The following NODAL variants were observed in gnomAD, a reference collection of about 807,000 sequenced individuals.
NODAL encodes nodal homolog.
A neutral mutation model predicts 34.0 loss-of-function variants in NODAL; 12 were observed. The ratio of observed to expected loss-of-function variants is 0.35; its 90% CI spans 0.23 to 0.57. The LOEUF (loss-of-function observed/expected upper bound fraction) is 0.57, where lower values mean the gene tolerates loss of function less well. NODAL is among the 20% of genes least tolerant of loss of function. NODAL has a pLI of 0.83. For synonymous variants in NODAL, 162 were observed against 186.4 expected, an observed-to-expected ratio of 0.87 and a Z score of 1.07; for missense variants, 390 against 444.2, an observed-to-expected ratio of 0.88 and a Z score of 1.10.
upstream of NODAL, chr10:70,441,712 C>T: frequency 6.5e-7 from 1 of 1,540,730 alleles, no homozygotes; most frequent in Non-Finnish European, 8.8e-7. Flanking sequence ...GCCCTTATAT[C>T]CTGGGCCTCA....
intron 2 of NODAL, chr10:70,435,011 T>C: frequency 4.3e-6 from 2 of 463,942 alleles, no homozygotes; most frequent in Non-Finnish European, 7.9e-6. Flanking sequence ...CCCTCTGGTC[T>C]ACCCCCACCC....
chr10:70,446,042 G>C (rs1311530480), upstream of NODAL, among the ~76,000 whole-genome samples: 1 of 152,128 alleles, frequency 6.6e-6, no homozygotes, highest in Non-Finnish European at 1.5e-5. Flanking sequence ...GCTTTTTTAG[G>C]ACCGAGGCTA....
upstream of NODAL, among the ~76,000 whole-genome samples, chr10:70,443,233 C>T (rs1044709815): frequency 1.3e-5 from 2 of 152,218 alleles, no homozygotes; most frequent in African/African-American, 4.8e-5. Context: ...GAGGCTGTCC[C>T]ACATAGCTGG....
upstream of NODAL, among the ~76,000 whole-genome samples, chr10:70,443,030 T>G (rs1200330494): frequency 6.6e-6 from 1 of 152,022 alleles, no homozygotes; most frequent in Admixed American, 6.6e-5. Context: ...AAGGTTGCAA[T>G]AAGCCAAGAT....
chr10:70,436,011 G>A, intron 1 of NODAL, 28 bp from the exon 2 acceptor site: 1 of 1,584,268 alleles, frequency 6.3e-7, no homozygotes, highest in Non-Finnish European at 8.7e-7. Context: ...AAGAAGGAAG[G>A]AGGGTGAGTG....
chr10:70,445,913 G>A (rs545587026), upstream of NODAL, among the ~76,000 whole-genome samples: 1 of 152,182 alleles, frequency 6.6e-6, no homozygotes, highest in African/African-American at 2.4e-5. Flanking sequence ...TTGGCTTAGA[G>A]CCCTGTGGAG....
chr10:70,437,676 C>T (rs556145575), intron 1 of NODAL, among the ~76,000 whole-genome samples: 6 of 152,196 alleles, frequency 3.9e-5, no homozygotes, highest in Admixed American at 3.3e-4. Context: ...TGATGTAGGT[C>T]CAGGCTGGCT....
Position 70,435,098 on chromosome 10 carries a change from T to A in NODAL, c.891+188A>T, listed in dbSNP as rs1845326352. 4 of 611,658 alleles carry A rather than the reference T, an allele frequency of 6.5e-6. No homozygotes were observed. The Admixed American group carries it at 1.1e-4, about 17-fold the overall frequency. 37.9% of individuals were successfully genotyped at this position (611,658 alleles called of 1,614,324 possible). ...GGCTACCCAGTGACGCATGACCCCATACAGGCTCTATAAGGATGTTACACT... is the reference window on the plus strand; with the variant it reads ...GGCTACCCAGTGACGCATGACCCCAAACAGGCTCTATAAGGATGTTACACT... On this transcript the variant is annotated intron_variant, in intron 2 of 2. Transcript: ENST00000287139.
At position 70,435,326 on chromosome 10, in the gene NODAL, A is replaced by T; in HGVS notation, c.851T>A (p.Val284Asp). 1 of 1,613,756 alleles carries T rather than the reference A, an allele frequency of 6.2e-7. No individual in the cohort carries two copies. The highest frequency in any genetic ancestry group is 8.5e-7 in the Non-Finnish European group (1 of 1,179,874). Residue 284 changes from valine to aspartate, a missense_variant, in exon 2 of 3, where the codon GTT (valine) becomes GAT (aspartate). Transcript: ENST00000287139. ...GTTGGTCGGATGAAACTCCTCCCCA[A>T]CAGGATTAGGACACTCGCCCTCACA... ...YRCEGECPNP[V>D]GEEFHPTNHA...
chr10:70,445,289 G>C (rs1026072100), upstream of NODAL, among the ~76,000 whole-genome samples: 1 of 151,780 alleles, frequency 6.6e-6, no homozygotes, highest in Non-Finnish European at 1.5e-5. Context: ...ACGGAGTCTC[G>C]CTCTGTCGCC....
At chr10:70,434,724 A>T (rs1019514615) in intron 2 of NODAL, 3 of 159,460 alleles carry the variant, frequency 1.9e-5, no homozygotes, top group African/African-American at 4.8e-5. Context: ...TGGCTGGAAC[A>T]GTGTGATTCC....
chr10:70,444,631 A>C (rs1407784195), upstream of NODAL, among the ~76,000 whole-genome samples: 4 of 152,108 alleles, frequency 2.6e-5, no homozygotes, highest in African/African-American at 9.7e-5. Flanking sequence ...CTGGCCCTCC[A>C]GTGATTCTGA....
intron 1 of NODAL, among the ~76,000 whole-genome samples, chr10:70,439,223 T>G (rs1413729330): frequency 6.6e-6 from 1 of 152,134 alleles, no homozygotes; most frequent in East Asian, 1.9e-4. Context: ...CAGGACGGTC[T>G]TGATCTCTTG....
intron 2 of NODAL, among the ~76,000 whole-genome samples, chr10:70,434,380 G>A (rs186721206): frequency 1.3e-5 from 2 of 152,112 alleles, no homozygotes; most frequent in African/African-American, 4.8e-5. Flanking sequence ...TCTTGTTTTT[G>A]AGATGGAGTT....
chr10:70,440,483 G>A lies in NODAL; in HGVS notation c.193+992C>T, dbSNP rs371503405. On this transcript the variant is annotated intron_variant, in intron 1 of 2. Coordinates refer to ENST00000287139, the MANE Select transcript of NODAL (RefSeq NM_018055.5). ...CCCGGCACCAGGTCACAAGGGGCGG[G>A]CAGGCGGCAGGTCGGATCAGATTAG... 1.8e-4 allele frequency among the ~76,000 whole-genome samples: 27 copies of A among 152,306 alleles called. No homozygotes were observed. The South Asian group carries it at 1.9e-3, about 11-fold the overall frequency.
At chr10:70,435,206 G>T in intron 2 of NODAL, 80 bp downstream of exon 2, 1 of 1,237,744 alleles carries the variant, frequency 8.1e-7, no homozygotes, top group Non-Finnish European at 1.2e-6. Context: ...CAGGAACATA[G>T]TCATTTAATA....
chr10:70,442,524 T>C (rs913888744), upstream of NODAL, among the ~76,000 whole-genome samples: 1 of 152,196 alleles, frequency 6.6e-6, no homozygotes, highest in Non-Finnish European at 1.5e-5. Context: ...AGTGATCTTG[T>C]CTGGCCTCCT....
At chr10:70,439,314 C>G (rs77419297) in intron 1 of NODAL, among the ~76,000 whole-genome samples, 1,903 of 152,240 alleles carry the variant, frequency 0.013, 45 homozygotes, top group African/African-American at 0.042. Context: ...ACCTCCAGTT[C>G]TGAAGAAGAA....
At chr10:70,439,887 A>G (rs1845406893) in intron 1 of NODAL, among the ~76,000 whole-genome samples, 1 of 152,180 alleles carries the variant, frequency 6.6e-6, no homozygotes, top group Non-Finnish European at 1.5e-5. Flanking sequence ...CCTGGCCAAT[A>G]TGGTGAAACT....
Sources: gnomAD v4.1 joint callset for allele counts (sites outside exome capture counted in the v4.1 genomes callset) on GRCh38, gnomAD v4.1.1 for gene constraint, MANE v1.5 for transcripts, NCBI Gene and HGNC (gene_info 2026-07-23, HGNC 2026-07-21) for gene names.